BRD10: variants seen among roughly 807,000 people sequenced by gnomAD.
BRD10 encodes the protein uncharacterized bromodomain-containing protein 10.
chr9:5,920,974 A>G, the BRD10 span: 1 of 1,613,994 alleles, frequency 6.2e-7, no homozygotes, highest in Non-Finnish European at 8.5e-7. Context: ...GTTGTGCCCC[A>G]GCTGAAGCAG....
the BRD10 span, chr9:5,923,261 A>C: frequency 6.2e-7 from 1 of 1,613,534 alleles, no homozygotes; most frequent in Non-Finnish European, 8.5e-7. Context: ...CTTTTTCAAC[A>C]GCTTGCTTCT....
chr9:5,940,595 A>C, the BRD10 span, among the ~76,000 whole-genome samples: 3 of 152,150 alleles, frequency 2.0e-5, no homozygotes, highest in African/African-American at 4.8e-5. Flanking sequence ...AATATTGTTT[A>C]GTTAGTCACC....
chr9:5,977,573 C>A, the BRD10 span, among the ~76,000 whole-genome samples: 1 of 152,118 alleles, frequency 6.6e-6, no homozygotes, highest in African/African-American at 2.4e-5. Flanking sequence ...AGTGGCTGGG[C>A]GCAGTGGCTC....
the BRD10 span, among the ~76,000 whole-genome samples, chr9:5,981,820 G>A: frequency 1.3e-5 from 2 of 152,044 alleles, no homozygotes; most frequent in African/African-American, 4.8e-5. Flanking sequence ...ATTATATAAG[G>A]CTTGAAATAA....
At chr9:5,920,955 A>T in the BRD10 span, 1 of 1,613,962 alleles carries the variant, frequency 6.2e-7, no homozygotes, top group South Asian at 1.1e-5. Flanking sequence ...CCACTGACTA[A>T]AACAGGAGGT....
At chr9:5,953,916 G>A in the BRD10 span, 1 of 704,176 alleles carries the variant, frequency 1.4e-6, no homozygotes. Context: ...TTACAAGTAA[G>A]TGTGCTACAG....
chr9:5,973,483 A>G, the BRD10 span, among the ~76,000 whole-genome samples: 2 of 152,300 alleles, frequency 1.3e-5, no homozygotes, highest in South Asian at 2.1e-4. Flanking sequence ...TAATACTAAT[A>G]CTAACATAAA....
At chr9:5,980,665 C>G in the BRD10 span, among the ~76,000 whole-genome samples, 1 of 152,028 alleles carries the variant, frequency 6.6e-6, no homozygotes, top group Admixed American at 6.5e-5. Flanking sequence ...CACACACACA[C>G]ACAATGTATA....
chr9:5,968,714 C>T, the BRD10 span: 170 of 1,613,796 alleles, frequency 1.1e-4, 2 homozygotes, highest in East Asian at 2.5e-3. Context: ...CAATTTAATC[C>T]GAGGTACTCT....
the BRD10 span, among the ~76,000 whole-genome samples, chr9:5,886,488 G>A: frequency 6.6e-6 from 1 of 152,342 alleles, no homozygotes; most frequent in East Asian, 1.9e-4. Context: ...AGCAGATGCT[G>A]CTATTATCCC....
At chr9:5,966,826 G>A in the BRD10 span, among the ~76,000 whole-genome samples, 6 of 152,032 alleles carry the variant, frequency 3.9e-5, no homozygotes, top group Admixed American at 1.3e-4. Context: ...CAAATGGATC[G>A]CTTATAAAAT....
At chr9:5,974,182 A>G in the BRD10 span, among the ~76,000 whole-genome samples, 1 of 152,232 alleles carries the variant, frequency 6.6e-6, no homozygotes. Flanking sequence ...ACAGACTGAG[A>G]GATCTATTAA....
the BRD10 span, chr9:5,954,143 T>A: frequency 9.5e-7 from 1 of 1,052,118 alleles, no homozygotes; most frequent in Non-Finnish European, 1.4e-6. Context: ...TTATAGCACT[T>A]CATTAACAAA....
At chr9:5,993,969 T>C in the BRD10 span, among the ~76,000 whole-genome samples, 3 of 152,232 alleles carry the variant, frequency 2.0e-5, no homozygotes, top group African/African-American at 7.2e-5. Flanking sequence ...ATTTGATAGA[T>C]AAGCATCATT....
the BRD10 span, among the ~76,000 whole-genome samples, chr9:5,951,724 T>A: frequency 6.6e-6 from 1 of 152,208 alleles, no homozygotes; most frequent in Non-Finnish European, 1.5e-5. Flanking sequence ...AAAATTATTT[T>A]GAGAGACAAA....
At chr9:5,945,275 G>C in the BRD10 span, among the ~76,000 whole-genome samples, 1 of 151,984 alleles carries the variant, frequency 6.6e-6, no homozygotes, top group Non-Finnish European at 1.5e-5. Flanking sequence ...CAAAGATCTG[G>C]AAACTCACCC....
At chr9:5,889,477 C>T in the BRD10 span, among the ~76,000 whole-genome samples, 5 of 152,164 alleles carry the variant, frequency 3.3e-5, no homozygotes, top group African/African-American at 7.2e-5. Flanking sequence ...GCAATGGTTC[C>T]TATTTTGATT....
At chr9:5,913,306 C>G in the BRD10 span, among the ~76,000 whole-genome samples, 1 of 151,968 alleles carries the variant, frequency 6.6e-6, no homozygotes, top group Non-Finnish European at 1.5e-5. Flanking sequence ...TATTGCAGAC[C>G]TTCTCAAAAA....
the BRD10 span, among the ~76,000 whole-genome samples, chr9:5,963,990 C>G: frequency 1.0e-3 from 156 of 152,140 alleles, no homozygotes; most frequent in African/African-American, 3.7e-3. Flanking sequence ...AGGACATAGG[C>G]ATGGGCAAGG....
Sources: allele counts gnomAD v4.1 joint callset (sites outside exome capture counted in the v4.1 genomes callset), GRCh38; gene constraint gnomAD v4.1.1; transcripts MANE v1.5; gene names NCBI Gene and HGNC (gene_info 2026-07-23, HGNC 2026-07-21).